Variants in C1GALT1 observed in about 807,000 individuals in gnomAD.
C1GALT1 encodes the protein core 1 synthase, glycoprotein-N-acetylgalactosamine 3-beta-galactosyltransferase 1, also known as glycoprotein-N-acetylgalactosamine 3-beta-galactosyltransferase 1.
In C1GALT1, 11 loss-of-function variants were observed where a neutral mutation model predicts 31.0. The ratio of observed to expected loss-of-function variants is 0.36; its 90% CI spans 0.22 to 0.59. The LOEUF is 0.59. Ranked by LOEUF, C1GALT1 falls within the 20% of genes least tolerant of loss-of-function variation. The pLI is 0.79. For synonymous variants in C1GALT1, 175 were observed against 143.6 expected, an observed-to-expected ratio of 1.22 and a Z score of -1.56; for missense variants, 424 against 425.2, an observed-to-expected ratio of 1.00 and a Z score of 0.03.
At position 7,199,868 on chromosome 7, in the gene C1GALT1, C is replaced by CT. The variant is rs925092821; in HGVS notation, c.-18+17056dup. The stretch of plus-strand genomic sequence containing the variant: ...TCAGAGACTAGGATTGCAGCCCTTG[C>CT]TTTTTTTTGTTTTCCATTTGCTTGT... On this transcript the variant is annotated intron_variant, in intron 1 of 3. Transcript: ENST00000436587. Among the ~76,000 whole-genome samples the CT allele has an allele frequency of 5.9e-5, 9 of 152,048 alleles. No homozygotes were observed. The South Asian group carries it at 6.2e-4, about 11-fold the overall frequency.
intron 1 of C1GALT1, among the ~76,000 whole-genome samples, chr7:7,185,174 A>G (rs1161082118): frequency 6.6e-6 from 1 of 152,214 alleles, no homozygotes; most frequent in East Asian, 1.9e-4. Flanking sequence ...GGAAAGTCTA[A>G]ATAAATTATC....
chr7:7,231,998 A>G (rs1240322691), intron 1 of C1GALT1, among the ~76,000 whole-genome samples: 2 of 152,184 alleles, frequency 1.3e-5, no homozygotes, highest in Non-Finnish European at 2.9e-5. Flanking sequence ...ATAAGAGCAT[A>G]GGTGTTTTTC....
At chr7:7,200,667 C>T (rs112406721) in intron 1 of C1GALT1, among the ~76,000 whole-genome samples, 2 of 152,254 alleles carry the variant, frequency 1.3e-5, no homozygotes, top group African/African-American at 2.4e-5. Context: ...TCACATGGTC[C>T]CATATTTCTT....
chr7:7,236,435 A>C (rs865910174), intron 2 of C1GALT1, among the ~76,000 whole-genome samples: 1 of 152,180 alleles, frequency 6.6e-6, no homozygotes. Context: ...TGAGATGTCT[A>C]TGCTTTCTGA....
At position 7,213,480 on chromosome 7, in the gene C1GALT1, T is replaced by G. The variant is rs553095402; in HGVS notation, c.-17-20823T>G. Among the ~76,000 whole-genome samples the G allele has an allele frequency of 1.7e-4, 26 of 152,340 alleles. No homozygotes were observed. The South Asian group carries it at 5.4e-3, about 32-fold the overall frequency. ...ATTGGACATCATTTTGGCAATCTTA[T>G]GTGACTAAACATGTCAGATGATTCC... On this transcript the variant is annotated intron_variant, in intron 1 of 3. Transcript: ENST00000436587.
In C1GALT1 at chr7:7,238,228, A is replaced by T; in HGVS notation, c.221-27A>T. On this transcript the variant is annotated intron_variant, in intron 2 of 3. Transcript: ENST00000436587. This position sits in a 1 kb window ranked among gnomAD's most constrained non-coding sequence, Gnocchi z 5.2. ...ATTTGGATTTTACATCTATGTAAAT[A>T]ACCTTTTAAAATGTTTTGTTTAATA... The T allele has an allele frequency of 6.5e-7, 1 of 1,533,794 alleles. No individual in the cohort carries two copies. The highest frequency in any genetic ancestry group is 8.8e-7 in the Non-Finnish European group (1 of 1,138,274).
chr7:7,205,943 A>G (rs533422354), intron 1 of C1GALT1, among the ~76,000 whole-genome samples: 19 of 152,006 alleles, frequency 1.2e-4, no homozygotes, highest in African/African-American at 4.1e-4. Flanking sequence ...ATTTTTTTCT[A>G]TGTGCTTTGT....
At chr7:7,188,168 G>A (rs576251471) in intron 1 of C1GALT1, among the ~76,000 whole-genome samples, 27 of 152,298 alleles carry the variant, frequency 1.8e-4, no homozygotes, top group African/African-American at 6.3e-4. Flanking sequence ...GCAAGACTTG[G>A]TAATTGGATT....
chr7:7,163,089 T>G (rs921474333), intron 2 of C1GALT1, among the ~76,000 whole-genome samples: 7 of 152,226 alleles, frequency 4.6e-5, no homozygotes, highest in African/African-American at 1.7e-4. Context: ...GATGATAGTT[T>G]CTTTTGCTGT....
In C1GALT1 at chr7:7,238,014, G is replaced by A. The variant is rs903101670; in HGVS notation, c.221-241G>A. The stretch of plus-strand genomic sequence containing the variant: ...TAATCAGTAAACTACAGTTTGAGAC[G>A]AATTTAGATTATAATGTCAACTCTT... On this transcript the variant is annotated intron_variant, in intron 2 of 3. Transcript: ENST00000436587. This position sits in a 1 kb window ranked among gnomAD's most constrained non-coding sequence, Gnocchi z 5.2. Among the ~76,000 whole-genome samples, 4 of 152,114 alleles carry A rather than the reference G, an allele frequency of 2.6e-5. No homozygotes were observed. The highest frequency in any genetic ancestry group is 1.9e-4 in the East Asian group (1 of 5,190).
At chr7:7,204,380 C>T (rs989773395) in intron 1 of C1GALT1, among the ~76,000 whole-genome samples, 7 of 151,946 alleles carry the variant, frequency 4.6e-5, no homozygotes, top group African/African-American at 1.7e-4. Context: ...ATCCTCTTAT[C>T]ATCCTTTGTA....
chr7:7,212,039 T>C (rs1278414362), intron 1 of C1GALT1, among the ~76,000 whole-genome samples: 1 of 152,238 alleles, frequency 6.6e-6, no homozygotes, highest in Non-Finnish European at 1.5e-5. Flanking sequence ...CATGAAGTGT[T>C]AGCAAGAATG....
chr7:7,210,689 G>A (rs951877188), intron 1 of C1GALT1: 2 of 152,052 alleles, frequency 1.3e-5, no homozygotes, highest in Non-Finnish European at 1.5e-5. Context: ...TTCCACCCTG[G>A]TCTTTTAATA....
At chr7:7,222,945 C>CT (rs34700063) in intron 1 of C1GALT1, among the ~76,000 whole-genome samples, 9,202 of 143,160 alleles carry the variant, frequency 0.064, 349 homozygotes, top group East Asian at 0.16. Flanking sequence ...TGTAGTTAAG[C>CT]TTTTTTTAAA....
At chr7:7,198,471 CA>C (rs1341045057) in intron 1 of C1GALT1, among the ~76,000 whole-genome samples, 1 of 152,158 alleles carries the variant, frequency 6.6e-6, no homozygotes, top group African/African-American at 2.4e-5. Context: ...CCATATTCAT[CA>C]GGGATATTGG....
intron 2 of C1GALT1, among the ~76,000 whole-genome samples, chr7:7,166,363 A>G (rs1780392392): frequency 1.3e-5 from 2 of 152,248 alleles, no homozygotes; most frequent in Non-Finnish European, 2.9e-5. Context: ...AATATGGTTT[A>G]ATTTCAAAGT....
rs1364962727 is a variant in C1GALT1, at chr7:7,244,343, T to A, written c.*616T>A. ...GAAGTGCATTAATAAAACCACACTT[T>A]AAAATTATCATGGGCCTTGACTATA... On this transcript the variant is annotated 3_prime_UTR_variant, in exon 4 of 4. Transcript: ENST00000436587. 6.6e-6 allele frequency: 1 copy of A among 152,154 alleles called. No individual in the cohort carries two copies. The highest frequency in any genetic ancestry group is 6.5e-5 in the Admixed American group (1 of 15,274). 9.4% of individuals were successfully genotyped at this position (152,154 alleles called of 1,614,324 possible).
rs753063295 is a variant in C1GALT1, at chr7:7,231,529, G to A, written c.-17-2774G>A. Among the ~76,000 whole-genome samples, 18 of 151,618 alleles carry A rather than the reference G, an allele frequency of 1.2e-4. 1 individual carries two copies. Among genetic ancestry groups the A allele is most frequent in the Non-Finnish European group, 2.1e-4 (14 of 67,944 alleles). ...TTTGTTTTTCCATACTTCATTCTGC[G>A]TATTTTCTTCTGACCTAGCTTTTTA... On this transcript the variant is annotated intron_variant, in intron 1 of 3. Coordinates refer to ENST00000436587, the MANE Select transcript of C1GALT1 (RefSeq NM_020156.5).
intron 1 of C1GALT1, among the ~76,000 whole-genome samples, chr7:7,206,936 G>C (rs978977536): frequency 4.6e-5 from 7 of 152,040 alleles, no homozygotes; most frequent in Non-Finnish European, 7.4e-5. Context: ...TTTGCTGTGA[G>C]TCTCCTTGAA....
Sources: gnomAD v4.1 joint callset for allele counts (sites outside exome capture counted in the v4.1 genomes callset) on GRCh38, gnomAD v4.1.1 for gene constraint, Gnocchi (gnomAD v3.1) non-coding constraint, MANE v1.5 for transcripts, NCBI Gene and HGNC (gene_info 2026-07-23, HGNC 2026-07-21) for gene names.